Variants in AKAP19 observed in about 807,000 individuals in gnomAD.
AKAP19 encodes small A-kinase anchoring protein.
At chr2:190,014,304 A>G in the AKAP19 span, among the ~76,000 whole-genome samples, 25 of 152,180 alleles carry the variant, frequency 1.6e-4, no homozygotes, top group African/African-American at 5.8e-4. Context: ...CAGGAAACTT[A>G]CAATAATGGC....
At chr2:190,195,941 CTTTTTTTTTTTT>C in the AKAP19 span, among the ~76,000 whole-genome samples, 1 of 86,210 alleles carries the variant, frequency 1.2e-5, no homozygotes, top group African/African-American at 4.1e-5. Context: ...CTGTGTCCAG[CTTTTTTTTTTTT>C]TTTTTTTTTG....
At chr2:190,052,108 G>A in the AKAP19 span, among the ~76,000 whole-genome samples, 1 of 152,058 alleles carries the variant, frequency 6.6e-6, no homozygotes, top group African/African-American at 2.4e-5. Flanking sequence ...CAATGTGCTG[G>A]GATTACAGGC....
chr2:190,094,737 T>A, the AKAP19 span, among the ~76,000 whole-genome samples: 1 of 152,214 alleles, frequency 6.6e-6, no homozygotes, highest in Non-Finnish European at 1.5e-5. Flanking sequence ...GGTTCCTCAT[T>A]AGCATTATAT....
chr2:190,057,992 T>C, the AKAP19 span, among the ~76,000 whole-genome samples: 32 of 151,770 alleles, frequency 2.1e-4, no homozygotes, highest in African/African-American at 7.5e-4. Context: ...GAAGAAGAAG[T>C]GGGGAATGAA....
At chr2:190,036,042 C>A in the AKAP19 span, among the ~76,000 whole-genome samples, 1 of 152,190 alleles carries the variant, frequency 6.6e-6, no homozygotes, top group African/African-American at 2.4e-5. Flanking sequence ...GCACTTCAGT[C>A]AGTGCAAAAT....
the AKAP19 span, among the ~76,000 whole-genome samples, chr2:190,115,967 T>C: frequency 6.6e-6 from 1 of 152,200 alleles, no homozygotes; most frequent in South Asian, 2.1e-4. Flanking sequence ...TATATGCATG[T>C]GTATGTGTAC....
chr2:189,960,741 T>G, the AKAP19 span, among the ~76,000 whole-genome samples: 1 of 152,188 alleles, frequency 6.6e-6, no homozygotes, highest in East Asian at 1.9e-4. Flanking sequence ...GAGTGAGATC[T>G]GCCATGTGGC....
At chr2:190,191,080 A>C in the AKAP19 span, among the ~76,000 whole-genome samples, 1 of 152,176 alleles carries the variant, frequency 6.6e-6, no homozygotes, top group Non-Finnish European at 1.5e-5. Flanking sequence ...GTGTACATTA[A>C]CATCTTTGTT....
the AKAP19 span, among the ~76,000 whole-genome samples, chr2:190,100,329 G>GAA: frequency 6.6e-6 from 1 of 152,322 alleles, no homozygotes; most frequent in East Asian, 1.9e-4. Flanking sequence ...TTGAAGCCAG[G>GAA]AAATCAGCTA....
the AKAP19 span, among the ~76,000 whole-genome samples, chr2:190,132,361 G>A: frequency 1.3e-5 from 2 of 152,148 alleles, no homozygotes; most frequent in African/African-American, 4.8e-5. Flanking sequence ...AAAGAACAAA[G>A]CTGGAGGCAT....
the AKAP19 span, among the ~76,000 whole-genome samples, chr2:190,165,051 A>G: frequency 2.0e-5 from 3 of 152,236 alleles, no homozygotes; most frequent in Non-Finnish European, 2.9e-5. Context: ...TCTCATTTAC[A>G]GTATAAAAGA....
chr2:189,907,395 C>T, the AKAP19 span, among the ~76,000 whole-genome samples: 1 of 152,216 alleles, frequency 6.6e-6, no homozygotes. Flanking sequence ...CTCAGGATAC[C>T]TGCAGTATTT....
chr2:190,018,687 G>A, the AKAP19 span, among the ~76,000 whole-genome samples: 58 of 152,230 alleles, frequency 3.8e-4, no homozygotes, highest in East Asian at 4.1e-3. Flanking sequence ...TTTTGGAGGA[G>A]TCATGATTCC....
At chr2:190,018,494 T>A in the AKAP19 span, among the ~76,000 whole-genome samples, 8 of 152,212 alleles carry the variant, frequency 5.3e-5, no homozygotes, top group Non-Finnish European at 1.0e-4. Context: ...TTGTTTTTTT[T>A]AAATTGCTTC....
At chr2:189,926,068 T>G in the AKAP19 span, among the ~76,000 whole-genome samples, 1 of 152,216 alleles carries the variant, frequency 6.6e-6, no homozygotes, top group Non-Finnish European at 1.5e-5. Context: ...TACTTTTTCT[T>G]TAGTTTCTAA....
At chr2:189,985,487 G>T in the AKAP19 span, among the ~76,000 whole-genome samples, 1 of 152,182 alleles carries the variant, frequency 6.6e-6, no homozygotes, top group East Asian at 1.9e-4. Flanking sequence ...AGTCGGGAAT[G>T]CATATGTCCG....
chr2:190,085,553 C>T, the AKAP19 span, among the ~76,000 whole-genome samples: 1 of 152,210 alleles, frequency 6.6e-6, no homozygotes, highest in Admixed American at 6.5e-5. Flanking sequence ...TAGCAGAACT[C>T]TTTTAGCTAC....
the AKAP19 span, chr2:190,181,006 C>T: frequency 2.0e-6 from 2 of 985,652 alleles, no homozygotes; most frequent in African/African-American, 1.7e-5. Flanking sequence ...AGGGCTGCTC[C>T]GGGAGCTTCG....
chr2:189,933,545 G>T, the AKAP19 span, among the ~76,000 whole-genome samples: 3 of 151,972 alleles, frequency 2.0e-5, no homozygotes, highest in Non-Finnish European at 4.4e-5. Flanking sequence ...ATTGTCTTCT[G>T]TGGAAAAATA....
Sources: gnomAD v4.1 joint callset for allele counts (sites outside exome capture counted in the v4.1 genomes callset) on GRCh38, gnomAD v4.1.1 for gene constraint, MANE v1.5 for transcripts, NCBI Gene and HGNC (gene_info 2026-07-23, HGNC 2026-07-21) for gene names.